Variants in SMIM35 observed in about 807,000 individuals in gnomAD.
SMIM35 encodes the protein small integral membrane protein 35.
chr11:118,054,513 G>A (rs1281777357), intron 1 of SMIM35, among the ~76,000 whole-genome samples: 2 of 152,124 alleles, frequency 1.3e-5, no homozygotes, highest in East Asian at 3.9e-4. Flanking sequence ...AAAGCTGGGT[G>A]CACACAAGTA....
chr11:118,064,988 G>C (rs1220311543), intron 1 of SMIM35, among the ~76,000 whole-genome samples: 1 of 152,220 alleles, frequency 6.6e-6, no homozygotes, highest in Non-Finnish European at 1.5e-5. Context: ...CAAGCCCCGA[G>C]TGGGCTCTGA....
At chr11:118,055,746 A>C (rs1031735823) in intron 1 of SMIM35, among the ~76,000 whole-genome samples, 4 of 152,200 alleles carry the variant, frequency 2.6e-5, no homozygotes, top group Admixed American at 2.6e-4. Context: ...TGATTCGATA[A>C]TCATATACTA....
chr11:118,077,352 C>T (rs1052063678), intron 1 of SMIM35: 3 of 1,566,652 alleles, frequency 1.9e-6, no homozygotes, highest in Admixed American at 1.8e-5. Context: ...GGGTGGGTCT[C>T]CCCATGTAAG....
Position 118,064,403 on chromosome 11 carries a change from C to A in SMIM35, c.7+22348G>T, listed in dbSNP as rs964903303. Among the ~76,000 whole-genome samples the A allele has an allele frequency of 7.9e-5, 12 of 152,300 alleles. 1 individual carries two copies. The South Asian group carries it at 2.1e-3, about 26-fold the overall frequency. Reference sequence around the variant, plus strand: ...AGGTCCCACCGGAGGTTCAGGTTGGCGGTTCTGGGTGTCATCCTCAGAGTC... The same window carrying A: ...AGGTCCCACCGGAGGTTCAGGTTGGAGGTTCTGGGTGTCATCCTCAGAGTC... On this transcript the variant is annotated intron_variant, in intron 1 of 4. Coordinates refer to ENST00000689828, the MANE Select transcript of SMIM35 (RefSeq NM_001394165.1).
chr11:118,044,491 C>A (rs1331066182), intron 1 of SMIM35, among the ~76,000 whole-genome samples: 1 of 152,072 alleles, frequency 6.6e-6, no homozygotes, highest in East Asian at 1.9e-4. Flanking sequence ...CCAGATGCCC[C>A]TCCAACTCCC....
At chr11:118,016,095 T>C (rs1261252295) in intron 1 of SMIM35, among the ~76,000 whole-genome samples, 1 of 152,162 alleles carries the variant, frequency 6.6e-6, no homozygotes. Context: ...ATATTCTACC[T>C]GGAAAAAGCT....
intron 1 of SMIM35, among the ~76,000 whole-genome samples, chr11:118,058,275 G>A (rs1301445267): frequency 2.6e-5 from 4 of 152,138 alleles, no homozygotes; most frequent in African/African-American, 7.2e-5. Context: ...CAGCCCCCAC[G>A]GTAATTGGCT....
At chr11:118,027,319 G>C (rs12292478) in intron 1 of SMIM35, among the ~76,000 whole-genome samples, 1 of 147,762 alleles carries the variant, frequency 6.8e-6, no homozygotes, top group African/African-American at 2.5e-5. Flanking sequence ...GAGCCACCGC[G>C]CCCGGCCCAC....
At chr11:118,052,270 A>G (rs1050478243) in intron 1 of SMIM35, among the ~76,000 whole-genome samples, 2 of 152,002 alleles carry the variant, frequency 1.3e-5, no homozygotes, top group Admixed American at 6.5e-5. Context: ...CCGGCCTTCT[A>G]CGGCTGCTCA....
intron 1 of SMIM35, among the ~76,000 whole-genome samples, chr11:118,022,834 T>C (rs1006384045): frequency 1.3e-5 from 2 of 151,914 alleles, no homozygotes; most frequent in African/African-American, 2.4e-5. Flanking sequence ...CTAGAAAAAC[T>C]CGTAATTCAC....
chr11:118,031,634 T>C (rs2058320635), intron 1 of SMIM35, among the ~76,000 whole-genome samples: 1 of 152,136 alleles, frequency 6.6e-6, no homozygotes, highest in South Asian at 2.1e-4. Context: ...AAGACATTAA[T>C]TAATTAATTA....
intron 1 of SMIM35, among the ~76,000 whole-genome samples, chr11:118,040,007 T>C (rs1157640541): frequency 2.1e-5 from 3 of 144,742 alleles, no homozygotes; most frequent in Non-Finnish European, 4.5e-5. Context: ...ATTGCACCAC[T>C]GTACTCTAGC....
intron 1 of SMIM35, among the ~76,000 whole-genome samples, chr11:118,052,898 T>G (rs1944241932): frequency 6.6e-6 from 1 of 152,208 alleles, no homozygotes; most frequent in African/African-American, 2.4e-5. Flanking sequence ...CATGTCCCTC[T>G]GTCATAGCAC....
At chr11:118,035,541 G>A (rs2058352728) in intron 1 of SMIM35, among the ~76,000 whole-genome samples, 1 of 152,146 alleles carries the variant, frequency 6.6e-6, no homozygotes, top group Admixed American at 6.5e-5. Flanking sequence ...AGGGGGTCCA[G>A]GTGCCATCAG....
chr11:118,076,997 G>A (rs1283277597), intron 1 of SMIM35: 2 of 388,344 alleles, frequency 5.2e-6, no homozygotes, highest in Non-Finnish European at 9.3e-6. Context: ...TAGGTGTCAG[G>A]TTACAAGACA....
chr11:118,012,299 G>A (rs1214824739), intron 4 of SMIM35, among the ~76,000 whole-genome samples: 1 of 152,182 alleles, frequency 6.6e-6, no homozygotes, highest in Non-Finnish European at 1.5e-5. Context: ...CTAAGCTGAC[G>A]TCCTGTGCAC....
chr11:118,006,566 A>C (rs2058123170), intron 4 of SMIM35, among the ~76,000 whole-genome samples, 190 bp from the exon 5 acceptor site: 1 of 152,140 alleles, frequency 6.6e-6, no homozygotes, highest in African/African-American at 2.4e-5. Context: ...TCAATACTCA[A>C]TAAATTTTGA....
chr11:118,027,313 C>G (rs1269170325), intron 1 of SMIM35, among the ~76,000 whole-genome samples: 5 of 150,008 alleles, frequency 3.3e-5, no homozygotes, highest in Non-Finnish European at 7.4e-5. Flanking sequence ...AGGCGTGAGC[C>G]ACCGCGCCCG....
At chr11:118,050,467 A>C (rs940791495) in intron 1 of SMIM35, among the ~76,000 whole-genome samples, 2 of 152,150 alleles carry the variant, frequency 1.3e-5, no homozygotes, top group African/African-American at 4.8e-5. Context: ...GACACCAACC[A>C]TCAGCTGCCC....
Sources: gnomAD v4.1 joint callset for allele counts (sites outside exome capture counted in the v4.1 genomes callset) on GRCh38, gnomAD v4.1.1 for gene constraint, MANE v1.5 for transcripts, NCBI Gene and HGNC (gene_info 2026-07-23, HGNC 2026-07-21) for gene names.